Variants in PPFIBP1 observed in about 807,000 individuals in gnomAD.
PPFIBP1 encodes the protein liprin-beta-1.
Under a neutral mutation model 137.8 loss-of-function variants are expected in PPFIBP1, and 112 were observed. The observed-to-expected ratio is 0.81, with a 90% CI of 0.70 to 0.95. The LOEUF (loss-of-function observed/expected upper bound fraction) is 0.95. Among genes scored for constraint, PPFIBP1 ranks in the 40% least tolerant of loss-of-function variants. The probability of loss-of-function intolerance (pLI) is 0.00; values close to 1 mark genes in which losing one functional copy is unlikely to be tolerated. For synonymous variants in PPFIBP1, 378 were observed against 417.3 expected (o/e 0.91, Z 1.15); for missense variants, 1,083 against 1,196.6 (o/e 0.91, Z 1.40).
intron 27 of PPFIBP1, among the ~76,000 whole-genome samples, chr12:27,691,003 AT>A (rs1312942692): frequency 2.0e-5 from 3 of 149,786 alleles, no homozygotes; most frequent in Non-Finnish European, 3.0e-5. Flanking sequence ...GTTCTTTTTA[AT>A]TTTTTTTTAC....
intron 1 of PPFIBP1, among the ~76,000 whole-genome samples, chr12:27,539,748 T>G (rs1398747194): frequency 6.6e-6 from 1 of 152,072 alleles, no homozygotes; most frequent in East Asian, 1.9e-4. Flanking sequence ...TTATAGAAAA[T>G]TTGAGTAACA....
chr12:27,539,303 C>T (rs1373772244), intron 1 of PPFIBP1, among the ~76,000 whole-genome samples: 3 of 152,188 alleles, frequency 2.0e-5, no homozygotes, highest in Admixed American at 2.0e-4. Context: ...GTGACAGACT[C>T]ACTGGAGATT....
intron 2 of PPFIBP1, among the ~76,000 whole-genome samples, chr12:27,618,615 A>T (rs769737743): frequency 2.6e-5 from 4 of 152,130 alleles, no homozygotes; most frequent in Non-Finnish European, 5.9e-5. Flanking sequence ...CCCTCCCCCA[A>T]ATTGTGCTCC....
intron 2 of PPFIBP1, among the ~76,000 whole-genome samples, chr12:27,595,237 C>T (rs1311178869): frequency 3.3e-5 from 5 of 152,212 alleles, no homozygotes; most frequent in Admixed American, 6.5e-5. Context: ...TGCGTGCACA[C>T]GCGCGCGCGC....
intron 2 of PPFIBP1, among the ~76,000 whole-genome samples, chr12:27,601,476 A>G (rs2053981048): frequency 6.6e-6 from 1 of 152,234 alleles, no homozygotes; most frequent in Admixed American, 6.5e-5. Flanking sequence ...TTTGGTGTAC[A>G]CAAGGTTAAA....
At chr12:27,572,173 T>C (rs2050204940) in intron 1 of PPFIBP1, among the ~76,000 whole-genome samples, 1 of 152,210 alleles carries the variant, frequency 6.6e-6, no homozygotes, top group Non-Finnish European at 1.5e-5. Context: ...TACATTGTTA[T>C]GTAAATTTTG....
intron 7 of PPFIBP1, among the ~76,000 whole-genome samples, chr12:27,652,949 A>G (rs1381004694): frequency 6.6e-6 from 1 of 152,234 alleles, no homozygotes. Context: ...CAAACAGTTC[A>G]TGACCTAATT....
At position 27,682,416 on chromosome 12, in the gene PPFIBP1, A is replaced by G; in HGVS notation, c.2076A>G (p.Arg692=). 1 of 1,613,874 alleles carries G rather than the reference A, an allele frequency of 6.2e-7. No homozygotes were observed. Residue 692 remains arginine (R), a synonymous_variant, in exon 23 of 30, where the codon CGA becomes CGG. Coordinates refer to ENST00000228425, the MANE Select transcript of PPFIBP1 (RefSeq NM_003622.4). The stretch of plus-strand genomic sequence containing the variant: ...TTGGAATCAAGCATTCACTTCATCG[A>G]AAGAAACTCCAGCTAGCACTCCAAG... ...KELGIKHSLH[R]KKLQLALQAL... is the part of the protein sequence containing the mutation.
chr12:27,582,454 G>A (rs7307741), intron 2 of PPFIBP1, among the ~76,000 whole-genome samples: 79,321 of 152,016 alleles, frequency 0.52, 21,691 homozygotes, highest in South Asian at 0.73. Context: ...TTCTGACTCC[G>A]TCGTTTCAGT....
chr12:27,686,640 T>C (rs543712941), intron 24 of PPFIBP1, among the ~76,000 whole-genome samples: 1 of 152,300 alleles, frequency 6.6e-6, no homozygotes, highest in South Asian at 2.1e-4. Context: ...GACAGGTCCT[T>C]ACTAAAAAAT....
At chr12:27,597,515 G>A (rs7963371) in intron 2 of PPFIBP1, among the ~76,000 whole-genome samples, 2 of 152,042 alleles carry the variant, frequency 1.3e-5, no homozygotes, top group Admixed American at 1.3e-4. Flanking sequence ...ATCTGGAGTC[G>A]TCTCTCTAGC....
intron 1 of PPFIBP1, among the ~76,000 whole-genome samples, chr12:27,526,772 T>C (rs371211134): frequency 1.3e-5 from 2 of 152,160 alleles, no homozygotes; most frequent in East Asian, 3.9e-4. Flanking sequence ...GAGGCGGAGG[T>C]TGCAGTGAGC....
At chr12:27,631,653 A>C (rs2057277087) in intron 2 of PPFIBP1, among the ~76,000 whole-genome samples, 2 of 152,332 alleles carry the variant, frequency 1.3e-5, no homozygotes, top group Non-Finnish European at 2.9e-5. Flanking sequence ...TTTGAAAAGC[A>C]TGGTCTAGAT....
At chr12:27,651,019 G>T (rs1372212836) in intron 7 of PPFIBP1, among the ~76,000 whole-genome samples, 2 of 152,020 alleles carry the variant, frequency 1.3e-5, no homozygotes, top group Non-Finnish European at 2.9e-5. Flanking sequence ...GAGAGAAAAT[G>T]GTTTACTTAT....
At position 27,524,562 on chromosome 12, in the gene PPFIBP1, G is replaced by A. The variant is rs190172211; in HGVS notation, c.-124+197G>A. 1.4e-4 allele frequency among the ~76,000 whole-genome samples: 21 copies of A among 152,118 alleles called. 1 individual carries two copies. The highest frequency in any genetic ancestry group is 1.4e-3 in the Admixed American group (21 of 15,270). Reference sequence around the variant, plus strand: ...GGGCTTAACTCCTGGGGCTTGGACCGAGCTTGTACGTGAAGAATACTCCAG... The same window carrying A: ...GGGCTTAACTCCTGGGGCTTGGACCAAGCTTGTACGTGAAGAATACTCCAG... On this transcript the variant is annotated intron_variant, in intron 1 of 29. Coordinates refer to ENST00000228425, the MANE Select transcript of PPFIBP1 (RefSeq NM_003622.4).
At chr12:27,683,284 C>G (rs2060993061) in intron 24 of PPFIBP1, among the ~76,000 whole-genome samples, 1 of 152,160 alleles carries the variant, frequency 6.6e-6, no homozygotes, top group South Asian at 2.1e-4. Flanking sequence ...CAGCTGGTCT[C>G]AAACTCCTGA....
intron 1 of PPFIBP1, among the ~76,000 whole-genome samples, chr12:27,567,814 A>G (rs1304966018): frequency 6.6e-6 from 1 of 152,226 alleles, no homozygotes; most frequent in Non-Finnish European, 1.5e-5. Context: ...ATCCTGGCTC[A>G]GCATTCAGAT....
chr12:27,595,600 A>G (rs946232962), intron 2 of PPFIBP1, among the ~76,000 whole-genome samples: 20 of 152,084 alleles, frequency 1.3e-4, no homozygotes, highest in Admixed American at 5.9e-4. Flanking sequence ...CACGCTTATA[A>G]TCCCAGCACT....
intron 1 of PPFIBP1, among the ~76,000 whole-genome samples, chr12:27,535,121 C>A (rs981249660): frequency 6.6e-6 from 1 of 152,028 alleles, no homozygotes; most frequent in African/African-American, 2.4e-5. Flanking sequence ...CTATAGAATC[C>A]GTGGAGCCTG....
Sources: gnomAD v4.1 joint callset for allele counts (sites outside exome capture counted in the v4.1 genomes callset) on GRCh38, gnomAD v4.1.1 for gene constraint, MANE v1.5 for transcripts, NCBI Gene and HGNC (gene_info 2026-07-23, HGNC 2026-07-21) for gene names.